The following DEFB1 variants were observed in gnomAD, a reference collection of about 807,000 sequenced individuals.
The protein encoded by DEFB1 is beta-defensin 1.
A neutral mutation model predicts 2.6 loss-of-function variants in DEFB1; 4 were observed. The ratio of observed to expected loss-of-function variants is 1.53; its 90% CI spans 0.76 to 3.51. DEFB1 has a LOEUF of 3.51. Ranked by LOEUF, DEFB1 falls within the 30% of genes most tolerant of loss-of-function variation. The pLI is 0.01. For missense variants in DEFB1, 162 were observed against 76.9 expected, an observed-to-expected ratio of 2.11 and a Z score of -4.14; for synonymous variants, 56 against 28.5, an observed-to-expected ratio of 1.96 and a Z score of -3.07.
chr8:6,877,187 G>T (rs151035989), intron 1 of DEFB1, among the ~76,000 whole-genome samples: 131 of 152,336 alleles, frequency 8.6e-4, no homozygotes, highest in African/African-American at 3.1e-3. Flanking sequence ...CATCATGTCA[G>T]GGTCATGGCT....
At chr8:6,872,851 T>G (rs1286990737) in intron 1 of DEFB1, among the ~76,000 whole-genome samples, 1 of 152,196 alleles carries the variant, frequency 6.6e-6, no homozygotes, top group African/African-American at 2.4e-5. Context: ...GTCTCCACTT[T>G]CTGCTTTAGT....
intron 1 of DEFB1, among the ~76,000 whole-genome samples, chr8:6,873,236 C>T (rs1047128050): frequency 3.9e-5 from 6 of 152,174 alleles, no homozygotes; most frequent in African/African-American, 1.4e-4. Flanking sequence ...CAAAGACCAA[C>T]CCCGGACCAG....
At chr8:6,876,198 T>G (rs2978864) in intron 1 of DEFB1, among the ~76,000 whole-genome samples, 1 of 151,972 alleles carries the variant, frequency 6.6e-6, no homozygotes, top group African/African-American at 2.4e-5. Flanking sequence ...AAACATGGGC[T>G]GGGCGTGGTG....
rs970753670 is a variant in DEFB1, at chr8:6,874,249, C to G, written c.62-3423G>C. ...AAGACCGAAACAAAAGCAGGAACAT[C>G]ACATCCTACTAACATAAAAAAAGTT... is the stretch of plus-strand genomic sequence containing the variant. On this transcript the variant is annotated intron_variant, in intron 1 of 1. Coordinates refer to ENST00000297439, the MANE Select transcript of DEFB1 (RefSeq NM_005218.4). Among the ~76,000 whole-genome samples the G allele has an allele frequency of 2.0e-5, 3 of 152,156 alleles. No individual in the cohort carries two copies. The East Asian group carries it at 5.8e-4, about 29-fold the overall frequency.
intron 1 of DEFB1, among the ~76,000 whole-genome samples, chr8:6,871,962 A>C (rs1806337250): frequency 6.6e-6 from 1 of 152,200 alleles, no homozygotes; most frequent in African/African-American, 2.4e-5. Flanking sequence ...GAGACAGTAC[A>C]TTCTCATGTT....
intron 1 of DEFB1, among the ~76,000 whole-genome samples, chr8:6,871,995 G>T (rs541006280): frequency 6.6e-6 from 1 of 152,292 alleles, no homozygotes; most frequent in South Asian, 2.1e-4. Flanking sequence ...TGGAAAGATG[G>T]CTTTCACACC....
intron 1 of DEFB1, among the ~76,000 whole-genome samples, chr8:6,875,076 AC>A: frequency 6.7e-6 from 1 of 150,064 alleles, no homozygotes; most frequent in Non-Finnish European, 1.5e-5. Flanking sequence ...ACACACACAC[AC>A]ACACACACAC....
chr8:6,873,321 G>A (rs1346427149), intron 1 of DEFB1, among the ~76,000 whole-genome samples: 2 of 152,180 alleles, frequency 1.3e-5, no homozygotes, highest in Non-Finnish European at 2.9e-5. Context: ...GTGTCACGGT[G>A]CATAACCAGA....
At chr8:6,871,428 C>T (rs953715945) in intron 1 of DEFB1, among the ~76,000 whole-genome samples, 3 of 152,066 alleles carry the variant, frequency 2.0e-5, no homozygotes, top group Non-Finnish European at 4.4e-5. Flanking sequence ...TAAATAGAGA[C>T]AGTACTCTGG....
intron 1 of DEFB1, among the ~76,000 whole-genome samples, chr8:6,874,625 A>T (rs1278977459): frequency 2.6e-5 from 4 of 152,192 alleles, no homozygotes; most frequent in Non-Finnish European, 1.5e-5. Context: ...TCATGCATAC[A>T]TGGAGAATTG....
intron 1 of DEFB1, among the ~76,000 whole-genome samples, chr8:6,873,740 C>G (rs1358972511): frequency 8.0e-6 from 1 of 124,258 alleles, no homozygotes; most frequent in Non-Finnish European, 1.8e-5. Context: ...ACCTGGGTGA[C>G]AAGATCACAT....
At chr8:6,877,314 C>T (rs956213438) in intron 1 of DEFB1, among the ~76,000 whole-genome samples, 12 of 152,228 alleles carry the variant, frequency 7.9e-5, no homozygotes. Context: ...GAGAGGACCG[C>T]CTGCCTGCAC....
intron 1 of DEFB1, among the ~76,000 whole-genome samples, chr8:6,877,272 C>T (rs751217043): frequency 6.6e-6 from 1 of 152,236 alleles, no homozygotes; most frequent in Non-Finnish European, 1.5e-5. Flanking sequence ...GACTGCTAAC[C>T]TGGAGAATGT....
chr8:6,871,773 A>G (rs1186881552), intron 1 of DEFB1, among the ~76,000 whole-genome samples: 4 of 152,200 alleles, frequency 2.6e-5, no homozygotes, highest in African/African-American at 9.6e-5. Flanking sequence ...TCTACCAGCC[A>G]AGGACAGACA....
intron 1 of DEFB1, among the ~76,000 whole-genome samples, chr8:6,872,717 G>A (rs1408694711): frequency 6.6e-6 from 1 of 152,196 alleles, no homozygotes; most frequent in Non-Finnish European, 1.5e-5. Context: ...TCTCTTGATT[G>A]CCAGCTTATA....
chr8:6,876,869 A>T (rs1806551319), intron 1 of DEFB1, among the ~76,000 whole-genome samples: 1 of 151,384 alleles, frequency 6.6e-6, no homozygotes, highest in South Asian at 2.1e-4. Context: ...AAAAAACAAA[A>T]TCCATTGTAG....
At chr8:6,877,697 C>T in intron 1 of DEFB1, 100 bp downstream of exon 1, 1 of 1,084,556 alleles carries the variant, frequency 9.2e-7, no homozygotes, top group Non-Finnish European at 1.4e-6. Flanking sequence ...GCTGCTTGTT[C>T]CTCGTCCCTT....
chr8:6,876,590 G>GT (rs1189975918), intron 1 of DEFB1, among the ~76,000 whole-genome samples: 1 of 152,040 alleles, frequency 6.6e-6, no homozygotes, highest in Non-Finnish European at 1.5e-5. Flanking sequence ...GTGCCCAGGA[G>GT]TTTGAGACCA....
Position 6,877,929 on chromosome 8 carries a change from A to C in DEFB1, c.-72T>G. 8 of 1,314,744 alleles carry C rather than the reference A, an allele frequency of 6.1e-6. No individual in the cohort carries two copies. The highest frequency in any genetic ancestry group is 8.8e-6 in the Non-Finnish European group (8 of 909,326). The allele number at this position is 1,314,744 out of a possible 1,614,324, so 81.4% of individuals were successfully genotyped here. A position where few individuals can be genotyped will look rare whatever the true frequency, so the allele number is the denominator to read the frequency against. On this transcript the variant is annotated 5_prime_UTR_variant, in exon 1 of 2. Transcript: ENST00000297439. Reference sequence around the variant, plus strand: ...TGGCTCCTTTGGAGGCTGAGCTGACAGAGGCTTCCAGAGGCTGGAGCGTCA... The same window carrying C: ...TGGCTCCTTTGGAGGCTGAGCTGACCGAGGCTTCCAGAGGCTGGAGCGTCA...
Sources: gnomAD v4.1 joint callset for allele counts (sites outside exome capture counted in the v4.1 genomes callset) on GRCh38, gnomAD v4.1.1 for gene constraint, MANE v1.5 for transcripts, NCBI Gene and HGNC (gene_info 2026-07-23, HGNC 2026-07-21) for gene names.